EHF: variants seen among roughly 807,000 people sequenced by gnomAD.
The protein encoded by EHF is ESE3 transcription factor.
In EHF, 14 loss-of-function variants were observed where a neutral mutation model predicts 45.1. The ratio of observed to expected loss-of-function variants is 0.31; its 90% confidence interval spans 0.21 to 0.49. The LOEUF (loss-of-function observed/expected upper bound fraction) is 0.49, where lower values mean the gene tolerates loss of function less well. Among genes scored for constraint, EHF ranks in the 20% least tolerant of loss-of-function variants. The pLI, the probability that EHF is intolerant of heterozygous loss-of-function variation, is 0.99. For missense variants in EHF, 282 were observed against 371.4 expected (o/e 0.76, Z 1.98); for synonymous variants, 136 against 131.8 (o/e 1.03, Z -0.22).
At position 34,659,655 on chromosome 11, in the gene EHF, C is replaced by A. The variant is rs1027644676; in HGVS notation, c.*724C>A. ...ATGGTTGGTGAAATACTTTAATTGC[C>A]CTGTCTGCTCACTTCTAGCTATTTA... On this transcript the variant is annotated 3_prime_UTR_variant, in exon 9 of 9. Transcript: ENST00000257831. 6.6e-6 allele frequency: 1 copy of A among 152,062 alleles called. No individual in the cohort carries two copies. The highest frequency in any genetic ancestry group is 1.5e-5 in the Non-Finnish European group (1 of 68,022). The allele number at this position is 152,062 out of a possible 1,614,324, so 9.4% of individuals were successfully genotyped here.
intron 1 of EHF, among the ~76,000 whole-genome samples, chr11:34,638,141 A>G (rs286907): frequency 0.5 from 75,504 of 152,010 alleles, 20,124 homozygotes; most frequent in Admixed American, 0.59. Flanking sequence ...ACCTCAAGTC[A>G]TCCACCCGCC....
intron 1 of EHF, chr11:34,622,184 G>A (rs59338646): frequency 0.023 from 5,111 of 224,732 alleles, 275 homozygotes; most frequent in African/African-American, 0.11. Flanking sequence ...TAAATATCAG[G>A]CTGAGGTGAG....
chr11:34,649,019 G>A lies in EHF; in HGVS notation c.344G>A (p.Gly115Asp), dbSNP rs1214591154. The A allele has an allele frequency of 3.1e-6, 5 of 1,613,412 alleles. No individual in the cohort carries two copies. The highest frequency in any genetic ancestry group is 4.2e-6 in the Non-Finnish European group (5 of 1,179,600). ...YSNLQHLKWN[G>D]QCSSDLFQST... Reference sequence around the variant, plus strand: ...GACTATCCCAATCTGTCCTTCACAGGCCAGTGCAGTAGTGACCTGTTCCAG... The same window carrying A: ...GACTATCCCAATCTGTCCTTCACAGACCAGTGCAGTAGTGACCTGTTCCAG... Residue 115 changes from glycine (G) to aspartate (D), a missense_variant and splice_region_variant, in exon 4 of 9, where the codon GGC (glycine) becomes GAC (aspartate). Physicochemically the swap from Gly to Asp is moderately conservative, Grantham distance 94. Around this residue, in one of 3 missense-constraint regions of EHF, gnomAD observed 213 missense variants for 247.3 expected, o/e 0.86. Transcript: ENST00000257831.
intron 2 of EHF, 76 bp downstream of exon 2, chr11:34,642,803 T>A: frequency 7.2e-6 from 8 of 1,107,542 alleles, no homozygotes; most frequent in Non-Finnish European, 1.1e-5. Flanking sequence ...CACAACCTAA[T>A]GTTTGAAAAA....
rs75354322 is a variant in EHF, at chr11:34,662,251, T to C, written c.*3320T>C. Among the ~76,000 whole-genome samples the C allele has an allele frequency of 0.019, 2,899 of 152,226 alleles. 79 individuals carry two copies. Among genetic ancestry groups the C allele is most frequent in the African/African-American group, 0.065 (2,710 of 41,534 alleles). Reference sequence around the variant, plus strand: ...ATATCTATAATTGGGATGTGAATCATTTCTTCAGTGGAATAAGAGCACAAC... The same window carrying C: ...ATATCTATAATTGGGATGTGAATCACTTCTTCAGTGGAATAAGAGCACAAC... On this transcript the variant is annotated 3_prime_UTR_variant, in exon 9 of 9. Transcript: ENST00000257831.
intron 1 of EHF, among the ~76,000 whole-genome samples, chr11:34,629,844 C>G (rs922156870): frequency 3.3e-5 from 4 of 122,542 alleles, no homozygotes; most frequent in Non-Finnish European, 5.5e-5. Context: ...CATAATTCAC[C>G]CTTCATTTCC....
intron 1 of EHF, among the ~76,000 whole-genome samples, chr11:34,636,982 T>C (rs1235741834): frequency 6.8e-6 from 1 of 147,938 alleles, no homozygotes; most frequent in East Asian, 2.0e-4. Context: ...TGAGCCGAGA[T>C]TGCGCCATTG....
intron 6 of EHF, among the ~76,000 whole-genome samples, chr11:34,653,301 C>G (rs1855375128): frequency 6.6e-6 from 1 of 152,150 alleles, no homozygotes; most frequent in Non-Finnish European, 1.5e-5. Context: ...ACCCGGGAAA[C>G]AAAAACATCA....
chr11:34,646,332 G>A, intron 2 of EHF, 107 bp from the exon 3 acceptor site: 1 of 1,540,912 alleles, frequency 6.5e-7, no homozygotes, highest in Non-Finnish European at 8.8e-7. Context: ...TACACGGACT[G>A]TGGTTGTGTC....
In EHF at chr11:34,660,101, C is replaced by T. The variant is rs559347924; in HGVS notation, c.*1170C>T. ...TTAGAGTGAAGCAAAAGCAAGACTT[C>T]AACCTCAACCTATCTTTATGTTTTA... On this transcript the variant is annotated 3_prime_UTR_variant, in exon 9 of 9. Coordinates refer to ENST00000257831, the MANE Select transcript of EHF (RefSeq NM_012153.6). The T allele has an allele frequency of 5.9e-5, 9 of 152,250 alleles. No homozygotes were observed. The highest frequency in any genetic ancestry group is 2.1e-4 in the South Asian group (1 of 4,810). The allele number at this position is 152,250 out of a possible 1,614,324, so 9.4% of individuals were successfully genotyped here.
chr11:34,652,434 A>G (rs1481424896), intron 6 of EHF, among the ~76,000 whole-genome samples: 1 of 152,200 alleles, frequency 6.6e-6, no homozygotes, highest in Non-Finnish European at 1.5e-5. Context: ...CTCCTTAACC[A>G]AGGTTACACT....
In EHF at chr11:34,646,691, C is replaced by T; in HGVS notation, c.343+7C>T. 1 of 1,606,948 alleles carries T rather than the reference C, an allele frequency of 6.2e-7. No homozygotes were observed. Among genetic ancestry groups the T allele is most frequent in the Non-Finnish European group, 8.5e-7 (1 of 1,179,942 alleles). On this transcript the variant is annotated splice_region_variant and intron_variant, in intron 3 of 8. Coordinates refer to ENST00000257831, the MANE Select transcript of EHF (RefSeq NM_012153.6). The stretch of plus-strand genomic sequence containing the variant: ...CAGCATCTGAAGTGGAACGGTGACT[C>T]TCTCTTTCTGTGTCTCTCCCTACCC...
At chr11:34,623,086 C>T (rs1397571643) in intron 1 of EHF, among the ~76,000 whole-genome samples, 1 of 152,074 alleles carries the variant, frequency 6.6e-6, no homozygotes, top group Admixed American at 6.6e-5. Flanking sequence ...TCAATTCAAA[C>T]AATCCTTTTT....
Position 34,649,033 on chromosome 11 carries a change from G to T in EHF, c.358G>T (p.Asp120Tyr). Residue 120 changes from aspartate to tyrosine, a missense_variant, in exon 4 of 9, where the codon GAC (aspartate) becomes TAC (tyrosine). This residue lies in a region of EHF where 213 missense variants were observed against 247.3 expected (regional missense o/e 0.86). Transcript: ENST00000257831. ...GTCCTTCACAGGCCAGTGCAGTAGTGACCTGTTCCAGTCCACACACAATGT... is the reference window on the plus strand; with the variant it reads ...GTCCTTCACAGGCCAGTGCAGTAGTTACCTGTTCCAGTCCACACACAATGT... Reference protein sequence around the residue: ...HLKWNGQCSSDLFQSTHNVIV... With the variant: ...HLKWNGQCSSYLFQSTHNVIV... The T allele has an allele frequency of 6.2e-7, 1 of 1,613,958 alleles. No homozygotes were observed. Among genetic ancestry groups the T allele is most frequent in the South Asian group, 1.1e-5 (1 of 91,044 alleles).
rs763716526 is a variant in EHF, at chr11:34,632,668, ATGCCAGAGAGGGT to A, written c.-3-9955_-3-9943del. 7 of 1,535,422 alleles carry A rather than the reference ATGCCAGAGAGGGT, an allele frequency of 4.6e-6. No homozygotes were observed. The South Asian group carries it at 8.3e-5, about 18-fold the overall frequency. On this transcript the variant is annotated intron_variant, in intron 1 of 8. Coordinates refer to ENST00000257831, the MANE Select transcript of EHF (RefSeq NM_012153.6). Reference sequence around the variant, plus strand: ...TCTTTTCAAGGTTGGTCATTCTCAAATGCCAGAGAGGGTTGCCCGGCTCTCTCTGCTCTTGCCC... The same window carrying A: ...TCTTTTCAAGGTTGGTCATTCTCAAATGCCCGGCTCTCTCTGCTCTTGCCC...
At chr11:34,651,242 G>C (rs140954161) in intron 4 of EHF, among the ~76,000 whole-genome samples, 1 of 152,230 alleles carries the variant, frequency 6.6e-6, no homozygotes, top group East Asian at 1.9e-4. Flanking sequence ...AGCCAGGTTA[G>C]GAAAATTCCC....
At chr11:34,643,204 G>C (rs542529811) in intron 2 of EHF, among the ~76,000 whole-genome samples, 1 of 152,184 alleles carries the variant, frequency 6.6e-6, no homozygotes, top group East Asian at 1.9e-4. Flanking sequence ...GATTTGTAAG[G>C]AGAACAGGTG....
chr11:34,656,985 T>A lies in EHF; in HGVS notation c.607+15T>A. 1 of 1,613,012 alleles carries A rather than the reference T, an allele frequency of 6.2e-7. No homozygotes were observed. The highest frequency in any genetic ancestry group is 8.5e-7 in the Non-Finnish European group (1 of 1,179,462). ...CAAAAAGCACAGTAAGTTGGCTGGC[T>A]TTCAGATGGCCTTTGGTCCTTCCCA... is the stretch of plus-strand genomic sequence containing the variant. On this transcript the variant is annotated intron_variant, in intron 7 of 8. Transcript: ENST00000257831.
chr11:34,649,110 C>T (rs767383602), intron 4 of EHF, 29 bp downstream of exon 4: 1 of 1,611,620 alleles, frequency 6.2e-7, no homozygotes, highest in Non-Finnish European at 8.5e-7. Context: ...AGGGAGCCAA[C>T]CTAGCCTGGC....
Sources: gnomAD v4.1 joint callset for allele counts (sites outside exome capture counted in the v4.1 genomes callset) on GRCh38, gnomAD v4.1.1 for gene constraint, gnomAD v4.1.1 regional missense constraint, MANE v1.5 for transcripts, NCBI Gene and HGNC (gene_info 2026-07-23, HGNC 2026-07-21) for gene names.